CDC73: variants seen among roughly 807,000 people sequenced by gnomAD.
The protein encoded by CDC73 is cell division cycle 73.
In CDC73, 21 loss-of-function variants were observed where a neutral mutation model predicts 83.7. That is an observed-to-expected ratio of 0.25 (90% CI 0.18 to 0.36). The LOEUF (loss-of-function observed/expected upper bound fraction) is 0.36, where lower values mean the gene tolerates loss of function less well. CDC73 is among the 10% of genes least tolerant of loss of function. CDC73 has a pLI of 1.00. For synonymous variants in CDC73, 224 were observed against 212.9 expected (o/e 1.05, Z -0.45); for missense variants, 342 against 653.3 (o/e 0.52, Z 5.19).
chr1:193,128,400 C>T (rs1675624689), intron 2 of CDC73, among the ~76,000 whole-genome samples: 1 of 151,930 alleles, frequency 6.6e-6, no homozygotes, highest in Non-Finnish European at 1.5e-5. Context: ...CTCAAGTTGT[C>T]TTCCTCCTTC....
intron 11 of CDC73, among the ~76,000 whole-genome samples, chr1:193,206,730 TTC>T (rs1165497411): frequency 7.9e-5 from 12 of 152,348 alleles, no homozygotes; most frequent in African/African-American, 2.6e-4. Flanking sequence ...GTCTCACCTA[TTC>T]TCTCTTTGAG....
chr1:193,178,360 G>A (rs894671903), intron 10 of CDC73, among the ~76,000 whole-genome samples: 23 of 151,976 alleles, frequency 1.5e-4, no homozygotes, highest in Non-Finnish European at 1.5e-5. Flanking sequence ...GAAGAATTTA[G>A]GTGTCTGTTA....
chr1:193,136,752 G>A (rs1199530211), intron 5 of CDC73, among the ~76,000 whole-genome samples: 1 of 152,092 alleles, frequency 6.6e-6, no homozygotes, highest in African/African-American at 2.4e-5. Context: ...TATGAATTTA[G>A]GGATACCATT....
chr1:193,210,760 A>C (rs1008030210), intron 11 of CDC73, among the ~76,000 whole-genome samples: 2 of 152,170 alleles, frequency 1.3e-5, no homozygotes, highest in East Asian at 3.8e-4. Flanking sequence ...GTGTATGTAT[A>C]ACATGATCAC....
chr1:193,218,800 TA>T (rs1270987967), intron 13 of CDC73, among the ~76,000 whole-genome samples: 1 of 152,052 alleles, frequency 6.6e-6, no homozygotes, highest in East Asian at 1.9e-4. Context: ...CCTGAAACTA[TA>T]AAAACCCTAG....
intron 2 of CDC73, among the ~76,000 whole-genome samples, chr1:193,127,267 C>T (rs1047682516): frequency 7.0e-6 from 1 of 143,094 alleles, no homozygotes; most frequent in African/African-American, 2.7e-5. Context: ...AGCAAAGACT[C>T]TGTCTCAGGG....
At chr1:193,183,974 T>C (rs1250797953) in intron 10 of CDC73, among the ~76,000 whole-genome samples, 1 of 151,918 alleles carries the variant, frequency 6.6e-6, no homozygotes, top group African/African-American at 2.4e-5. Flanking sequence ...TCATAATTTA[T>C]GTTGCTTTTA....
intron 5 of CDC73, among the ~76,000 whole-genome samples, chr1:193,137,757 G>A (rs1267158685): frequency 6.6e-6 from 1 of 152,140 alleles, no homozygotes; most frequent in Non-Finnish European, 1.5e-5. Context: ...ATAACATTTG[G>A]TTATTAACTT....
intron 10 of CDC73, among the ~76,000 whole-genome samples, chr1:193,200,930 C>G (rs1389740766): frequency 6.6e-6 from 1 of 152,008 alleles, no homozygotes; most frequent in Non-Finnish European, 1.5e-5. Flanking sequence ...TGCTTTTAGC[C>G]TCTTGGGTGG....
chr1:193,146,958 A>G (rs1676010997), intron 7 of CDC73, among the ~76,000 whole-genome samples: 2 of 151,978 alleles, frequency 1.3e-5, no homozygotes, highest in African/African-American at 2.4e-5. Flanking sequence ...TTTTTTCTGA[A>G]CTAGAAGCCT....
intron 15 of CDC73, among the ~76,000 whole-genome samples, chr1:193,246,642 C>A (rs1001856789): frequency 2.6e-5 from 4 of 152,036 alleles, no homozygotes; most frequent in African/African-American, 9.7e-5. Flanking sequence ...TCATTTCTTA[C>A]CAAATTTTGT....
chr1:193,211,367 A>G (rs530239287), intron 11 of CDC73, among the ~76,000 whole-genome samples: 1 of 152,192 alleles, frequency 6.6e-6, no homozygotes, highest in Non-Finnish European at 1.5e-5. Context: ...CACGGATGGT[A>G]GATTCAGTAT....
At chr1:193,155,882 C>A (rs1279719932) in intron 10 of CDC73, among the ~76,000 whole-genome samples, 3 of 152,230 alleles carry the variant, frequency 2.0e-5, no homozygotes, top group East Asian at 3.9e-4. Flanking sequence ...CAGTCTTTCT[C>A]AAGCTTATTT....
At chr1:193,219,553 A>T (rs1267354237) in intron 13 of CDC73, among the ~76,000 whole-genome samples, 1 of 152,202 alleles carries the variant, frequency 6.6e-6, no homozygotes, top group Admixed American at 6.5e-5. Flanking sequence ...ACGGAATACT[A>T]TGCAGCCATA....
In CDC73 at chr1:193,161,792, TATATC is replaced by T. The variant is rs1183316424; in HGVS notation, c.972+9353_972+9357del. On this transcript the variant is annotated intron_variant, in intron 10 of 16. Coordinates refer to ENST00000367435, the MANE Select transcript of CDC73 (RefSeq NM_024529.5). ...ATATCATATTATATTGTATATAATA[TATATC>T]ATATTATATTGTATATAATATATAT... Among the ~76,000 whole-genome samples the T allele has an allele frequency of 1.1e-4, 2 of 17,708 alleles. 1 individual carries two copies. Among genetic ancestry groups the T allele is most frequent in the Admixed American group, 2.7e-3 (2 of 752 alleles). The allele number at this position is 17,708 out of a possible 152,430, so 11.6% of individuals were successfully genotyped here.
At chr1:193,196,951 C>G (rs1256132781) in intron 10 of CDC73, among the ~76,000 whole-genome samples, 1 of 152,156 alleles carries the variant, frequency 6.6e-6, no homozygotes, top group African/African-American at 2.4e-5. Flanking sequence ...CCTAATTTCT[C>G]TGGCTGGAAC....
At chr1:193,189,619 C>T (rs924986061) in intron 10 of CDC73, among the ~76,000 whole-genome samples, 2 of 152,042 alleles carry the variant, frequency 1.3e-5, no homozygotes, top group South Asian at 2.1e-4. Flanking sequence ...AATAGGTGGC[C>T]GTTACTATGT....
chr1:193,247,797 T>G (rs1174473558), intron 15 of CDC73, among the ~76,000 whole-genome samples: 1 of 152,108 alleles, frequency 6.6e-6, no homozygotes, highest in Non-Finnish European at 1.5e-5. Flanking sequence ...CTAACTCTCT[T>G]CAGTTCTGTG....
At chr1:193,204,247 ATGTGTATG>A (rs1677145161) in intron 11 of CDC73, among the ~76,000 whole-genome samples, 1 of 123,058 alleles carries the variant, frequency 8.1e-6, no homozygotes, top group African/African-American at 3.2e-5. Flanking sequence ...ACGTATATAT[ATGTGTATG>A]TGTGTGTGTG....
Sources: gnomAD v4.1 joint callset for allele counts (sites outside exome capture counted in the v4.1 genomes callset) on GRCh38, gnomAD v4.1.1 for gene constraint, MANE v1.5 for transcripts, NCBI Gene and HGNC (gene_info 2026-07-23, HGNC 2026-07-21) for gene names.